Variants in LRFN2 observed in about 807,000 individuals in gnomAD.
The protein encoded by LRFN2 is leucine rich repeat and fibronectin type III domain containing 2, also known as leucine-rich repeat and fibronectin type-III domain-containing protein 2.
LRFN2 carries 18 observed loss-of-function variants against 37.3 expected under a neutral mutation model. The observed-to-expected ratio is 0.48, with a 90% CI of 0.33 to 0.72. LRFN2 has a LOEUF of 0.72. Ranked by LOEUF, LRFN2 falls within the 30% of genes least tolerant of loss-of-function variation. The pLI is 0.02. For missense variants in LRFN2, 1,006 were observed against 1,060.7 expected, an observed-to-expected ratio of 0.95 and a Z score of 0.72; for synonymous variants, 556 against 466.6, an observed-to-expected ratio of 1.19 and a Z score of -2.47.
In LRFN2 at chr6:40,391,752, C is replaced by T; in HGVS notation, c.*191G>A. ...TTTGAGCGAGTCCACATTCCCTGAGCACACCCCGGCCGGGTGGTGGGGAGG... is the reference window on the plus strand; with the variant it reads ...TTTGAGCGAGTCCACATTCCCTGAGTACACCCCGGCCGGGTGGTGGGGAGG... On this transcript the variant is annotated 3_prime_UTR_variant, in exon 3 of 3. Coordinates refer to ENST00000338305, the MANE Select transcript of LRFN2 (RefSeq NM_020737.3). 1 of 517,504 alleles carries T rather than the reference C, an allele frequency of 1.9e-6. No individual in the cohort carries two copies. The highest frequency in any genetic ancestry group is 3.2e-6 in the Non-Finnish European group (1 of 308,844). The allele number at this position is 517,504 out of a possible 1,614,324, so 32.1% of individuals were successfully genotyped here. A position where few individuals can be genotyped will look rare whatever the true frequency, so the allele number is the denominator to read the frequency against.
rs1283426403 is a variant in LRFN2, at chr6:40,433,150, A to G, written c.-18-19T>C. On this transcript the variant is annotated intron_variant, in intron 1 of 2. Transcript: ENST00000338305. ...TCAGCGCCTGGAAGGGAGAAACACA[A>G]GCTCAGGGTCAGGAGGCAAATTCCT... 6 of 1,511,378 alleles carry G rather than the reference A, an allele frequency of 4.0e-6. No individual in the cohort carries two copies. The allele number at this position is 1,511,378 out of a possible 1,614,324, so 93.6% of individuals were successfully genotyped here.
At chr6:40,466,762 T>C (rs1190593718) in intron 1 of LRFN2, among the ~76,000 whole-genome samples, 1 of 152,188 alleles carries the variant, frequency 6.6e-6, no homozygotes, top group Non-Finnish European at 1.5e-5. Context: ...CTTATTGTTA[T>C]AGGATGAATA....
chr6:40,493,691 C>A (rs548660252), intron 1 of LRFN2, among the ~76,000 whole-genome samples: 1 of 152,298 alleles, frequency 6.6e-6, no homozygotes, highest in Admixed American at 6.5e-5. Context: ...GCCTTGCAGC[C>A]GGCTTCTGCC....
chr6:40,581,613 T>A (rs846528), intron 1 of LRFN2, among the ~76,000 whole-genome samples: 11 of 152,022 alleles, frequency 7.2e-5, no homozygotes, highest in African/African-American at 2.7e-4. Flanking sequence ...TTGAATCAAG[T>A]AATCAATTCT....
Position 40,432,069 on chromosome 6 carries a change from T to C in LRFN2, c.1045A>G (p.Thr349Ala). 6.2e-7 allele frequency: 1 copy of C among 1,614,058 alleles called. No individual in the cohort carries two copies. Among genetic ancestry groups the C allele is most frequent in the South Asian group, 1.1e-5 (1 of 91,082 alleles). ...YDNGTLDIFI[T>A]TSQDSGAFTC... Reference sequence around the variant, plus strand: ...AAGGCACCACTGTCCTGAGATGTGGTGATGAAGATGTCCAGGGTGCCATTG... The same window carrying C: ...AAGGCACCACTGTCCTGAGATGTGGCGATGAAGATGTCCAGGGTGCCATTG... The change falls in exon 2 of 3, where the codon ACC (threonine) becomes GCC (alanine). Residue 349 changes from threonine to alanine, a missense_variant. Thr to Ala is a moderately conservative substitution (Grantham distance 58, BLOSUM62 0). Transcript: ENST00000338305.
chr6:40,549,117 G>A (rs1024423829), intron 1 of LRFN2, among the ~76,000 whole-genome samples: 2 of 152,206 alleles, frequency 1.3e-5, no homozygotes, highest in African/African-American at 4.8e-5. Context: ...CAAAGATGTT[G>A]CCATTCAGGA....
chr6:40,568,566 C>G (rs756512316), intron 1 of LRFN2, among the ~76,000 whole-genome samples: 1 of 152,214 alleles, frequency 6.6e-6, no homozygotes, highest in African/African-American at 2.4e-5. Context: ...TTCCAAATGC[C>G]TCGCTAATGC....
At chr6:40,445,275 T>C (rs1056104954) in intron 1 of LRFN2, among the ~76,000 whole-genome samples, 2 of 152,240 alleles carry the variant, frequency 1.3e-5, no homozygotes, top group African/African-American at 4.8e-5. Flanking sequence ...GCCGATTTTA[T>C]AAGTGGAGAA....
chr6:40,549,551 C>T (rs1766729511), intron 1 of LRFN2, among the ~76,000 whole-genome samples: 1 of 152,166 alleles, frequency 6.6e-6, no homozygotes, highest in Non-Finnish European at 1.5e-5. Context: ...AAAAAAATGG[C>T]TTTGCTATTG....
chr6:40,512,548 GTC>G (rs1489548258), intron 1 of LRFN2, among the ~76,000 whole-genome samples: 1 of 152,202 alleles, frequency 6.6e-6, no homozygotes, highest in African/African-American at 2.4e-5. Flanking sequence ...GGCCAAGCCA[GTC>G]TCTGTTTTTG....
At chr6:40,576,320 C>T (rs1352860394) in intron 1 of LRFN2, among the ~76,000 whole-genome samples, 2 of 134,502 alleles carry the variant, frequency 1.5e-5, no homozygotes, top group African/African-American at 5.5e-5. Context: ...TGGAGAGAGA[C>T]AAGACAGATG....
chr6:40,511,133 A>G (rs889574381), intron 1 of LRFN2, among the ~76,000 whole-genome samples: 6 of 151,452 alleles, frequency 4.0e-5, no homozygotes, highest in Non-Finnish European at 4.4e-5. Flanking sequence ...ATGAGGGGAG[A>G]CCTTGAGGGG....
intron 1 of LRFN2, among the ~76,000 whole-genome samples, chr6:40,438,423 C>T (rs1310723260): frequency 6.6e-6 from 1 of 152,206 alleles, no homozygotes; most frequent in Non-Finnish European, 1.5e-5. Context: ...CAACCTCGTG[C>T]AGTGAGCAAC....
In LRFN2 at chr6:40,432,373, A is replaced by G; in HGVS notation, c.741T>C (p.Asn247=). Reference sequence around the variant, plus strand: ...GCCTCCGCAGCCAGAGAAGCTCACAATTGCAGTGAAGTGGGTTACCCCCAA... The same window carrying G: ...GCCTCCGCAGCCAGAGAAGCTCACAGTTGCAGTGAAGTGGGTTACCCCCAA... ...FSFGGNPLHC[N]CELLWLRRLE... is the part of the protein sequence containing the mutation. The change falls in exon 2 of 3, where the codon AAT becomes AAC. Residue 247 remains asparagine (N), a synonymous_variant. Coordinates refer to ENST00000338305, the MANE Select transcript of LRFN2 (RefSeq NM_020737.3). The G allele has an allele frequency of 6.2e-7, 1 of 1,614,142 alleles. No homozygotes were observed. Among genetic ancestry groups the G allele is most frequent in the Non-Finnish European group, 8.5e-7 (1 of 1,180,026 alleles).
chr6:40,521,703 T>A (rs1287603244), intron 1 of LRFN2, among the ~76,000 whole-genome samples: 1 of 152,104 alleles, frequency 6.6e-6, no homozygotes, highest in Non-Finnish European at 1.5e-5. Context: ...CAGGCTGGGC[T>A]GTACTGTATC....
intron 1 of LRFN2, among the ~76,000 whole-genome samples, chr6:40,556,870 C>A (rs894653004): frequency 2.6e-5 from 4 of 152,086 alleles, no homozygotes; most frequent in African/African-American, 9.7e-5. Flanking sequence ...GAGGCCATGG[C>A]CACCAATGCT....
chr6:40,557,367 A>C (rs1485023749), intron 1 of LRFN2, among the ~76,000 whole-genome samples: 1 of 152,202 alleles, frequency 6.6e-6, no homozygotes, highest in African/African-American at 2.4e-5. Flanking sequence ...ATGGGGGTTC[A>C]GAGATGGGGC....
At chr6:40,476,531 G>C (rs1764712441) in intron 1 of LRFN2, among the ~76,000 whole-genome samples, 1 of 152,228 alleles carries the variant, frequency 6.6e-6, no homozygotes, top group Admixed American at 6.5e-5. Context: ...TGAGTTAGCA[G>C]GGGTAGCCCC....
intron 1 of LRFN2, among the ~76,000 whole-genome samples, chr6:40,531,424 C>T (rs1434552397): frequency 2.0e-5 from 3 of 152,156 alleles, no homozygotes; most frequent in African/African-American, 4.8e-5. Flanking sequence ...CCCAGGAACA[C>T]ATCTTGCCGG....
Sources: gnomAD v4.1 joint callset for allele counts (sites outside exome capture counted in the v4.1 genomes callset) on GRCh38, gnomAD v4.1.1 for gene constraint, MANE v1.5 for transcripts, NCBI Gene and HGNC (gene_info 2026-07-23, HGNC 2026-07-21) for gene names.